The following DAB1 variants were observed in gnomAD, a reference collection of about 807,000 sequenced individuals.
DAB1 encodes DAB adaptor protein 1.
Under a neutral mutation model 64.6 loss-of-function variants are expected in DAB1, and 15 were observed. The observed-to-expected ratio is 0.23, with a 90% CI of 0.16 to 0.36. The LOEUF (loss-of-function observed/expected upper bound fraction) is 0.36. Among genes scored for constraint, DAB1 ranks in the 10% least tolerant of loss-of-function variants. DAB1 has a pLI of 1.00. For synonymous variants in DAB1, 235 were observed against 251.9 expected, an observed-to-expected ratio of 0.93 and a Z score of 0.64; for missense variants, 596 against 706.7, an observed-to-expected ratio of 0.84 and a Z score of 1.78.
intron 4 of DAB1, among the ~76,000 whole-genome samples, chr1:58,251,511 C>T (rs1660796083): frequency 6.6e-6 from 1 of 152,124 alleles, no homozygotes; most frequent in Admixed American, 6.5e-5. Context: ...CACATGACCA[C>T]TAATCTGAGA....
At chr1:57,257,435 T>G (rs1012222086) in intron 2 of DAB1, among the ~76,000 whole-genome samples, 1 of 152,216 alleles carries the variant, frequency 6.6e-6, no homozygotes, top group Non-Finnish European at 1.5e-5. Flanking sequence ...ATAAAGTGCA[T>G]GCATTATCTC....
intron 5 of DAB1, among the ~76,000 whole-genome samples, chr1:57,914,150 G>A (rs908374791): frequency 6.6e-6 from 1 of 152,142 alleles, no homozygotes; most frequent in Non-Finnish European, 1.5e-5. Flanking sequence ...GCACACGTAT[G>A]TTTATTGCGG....
chr1:57,559,849 G>A (rs929366717), intron 7 of DAB1, among the ~76,000 whole-genome samples: 7 of 152,136 alleles, frequency 4.6e-5, no homozygotes, highest in Non-Finnish European at 7.4e-5. Context: ...AAATAATATC[G>A]CATCCTTGGA....
intron 3 of DAB1, among the ~76,000 whole-genome samples, chr1:58,403,043 C>T (rs755372768): frequency 3.9e-5 from 6 of 152,156 alleles, no homozygotes; most frequent in Non-Finnish European, 7.3e-5. Context: ...CAGTCGATCT[C>T]CTTAACAAAA....
chr1:57,328,573 T>A (rs1248725533), intron 1 of DAB1, among the ~76,000 whole-genome samples: 1 of 152,222 alleles, frequency 6.6e-6, no homozygotes, highest in Non-Finnish European at 1.5e-5. Context: ...ATTGCCTTGG[T>A]CACATTTACT....
intron 5 of DAB1, among the ~76,000 whole-genome samples, chr1:58,103,015 G>T (rs895515068): frequency 2.6e-5 from 4 of 152,124 alleles, no homozygotes; most frequent in Non-Finnish European, 5.9e-5. Context: ...ATCTTATGGG[G>T]TGTCCACCAT....
intron 4 of DAB1, among the ~76,000 whole-genome samples, chr1:58,248,264 G>A (rs911593123): frequency 1.3e-5 from 2 of 152,048 alleles, no homozygotes; most frequent in African/African-American, 4.8e-5. Context: ...CCTTTCCACT[G>A]GGAGCGAGGT....
chr1:57,190,159 C>T (rs1663995851), intron 2 of DAB1, among the ~76,000 whole-genome samples: 1 of 152,128 alleles, frequency 6.6e-6, no homozygotes, highest in African/African-American at 2.4e-5. Context: ...GTTCTTTATT[C>T]AGTAGGTATG....
chr1:57,353,727 C>T (rs370763755), intron 1 of DAB1, among the ~76,000 whole-genome samples: 2 of 152,120 alleles, frequency 1.3e-5, no homozygotes, highest in African/African-American at 2.4e-5. Flanking sequence ...GACTTCTCCA[C>T]GTTGCTTTTG....
chr1:58,346,024 A>T (rs1360192787), intron 3 of DAB1, among the ~76,000 whole-genome samples: 1 of 152,234 alleles, frequency 6.6e-6, no homozygotes, highest in Non-Finnish European at 1.5e-5. Context: ...ACTGCAGTTC[A>T]GTGATGAGAA....
intron 6 of DAB1, among the ~76,000 whole-genome samples, chr1:57,719,210 G>A (rs1261485121): frequency 6.6e-6 from 1 of 152,168 alleles, no homozygotes; most frequent in Non-Finnish European, 1.5e-5. Flanking sequence ...TACATTGTTG[G>A]CTGATGAAAT....
intron 4 of DAB1, among the ~76,000 whole-genome samples, chr1:58,178,111 C>T (rs1557683696): frequency 6.6e-6 from 1 of 152,152 alleles, no homozygotes; most frequent in Non-Finnish European, 1.5e-5. Context: ...ATTTTCAAAA[C>T]TGTTATTTCC....
At chr1:57,198,151 AG>A (rs1402609013) in intron 2 of DAB1, among the ~76,000 whole-genome samples, 3 of 152,198 alleles carry the variant, frequency 2.0e-5, no homozygotes, top group African/African-American at 7.2e-5. Context: ...AAAAATGAGA[AG>A]GGTTATAAGC....
At chr1:58,185,313 T>G (rs1657015063) in intron 4 of DAB1, among the ~76,000 whole-genome samples, 1 of 152,194 alleles carries the variant, frequency 6.6e-6, no homozygotes, top group Non-Finnish European at 1.5e-5. Flanking sequence ...AGTTTTTAGC[T>G]GTGTGCTGAG....
chr1:57,910,483 T>C (rs947617829), intron 5 of DAB1, among the ~76,000 whole-genome samples: 5 of 152,220 alleles, frequency 3.3e-5, no homozygotes, highest in African/African-American at 9.6e-5. Context: ...TTTTCTATTT[T>C]TTTTTCCACT....
intron 1 of DAB1, among the ~76,000 whole-genome samples, chr1:57,410,901 G>A (rs1311786971): frequency 6.6e-6 from 1 of 152,188 alleles, no homozygotes; most frequent in African/African-American, 2.4e-5. Flanking sequence ...GTGAGAGAAG[G>A]GGAAAGGAGT....
intron 2 of DAB1, among the ~76,000 whole-genome samples, chr1:57,265,581 A>T (rs1413660504): frequency 6.6e-6 from 1 of 152,224 alleles, no homozygotes; most frequent in Non-Finnish European, 1.5e-5. Flanking sequence ...CACTAAAAGC[A>T]GCTCAAACGG....
chr1:57,296,110 T>C (rs1319334374), intron 1 of DAB1, among the ~76,000 whole-genome samples: 1 of 152,094 alleles, frequency 6.6e-6, no homozygotes, highest in Admixed American at 6.6e-5. Flanking sequence ...CTGAAACTAT[T>C]TTCGATGTTC....
In DAB1 at chr1:58,498,252, A is replaced by C. The variant is rs191260320; in HGVS notation, n.257+7808T>G. Among the ~76,000 whole-genome samples, 826 of 152,158 alleles carry C rather than the reference A, an allele frequency of 5.4e-3. 6 individuals are homozygous for C. The highest frequency in any genetic ancestry group is 0.019 in the African/African-American group (792 of 41,548). The stretch of plus-strand genomic sequence containing the variant: ...GTAAAACTAAAAGTTAAAAAAAAAA[A>C]ACAACTTTTTCCATTGTCTTCCATT... On this transcript the variant is annotated intron_variant and non_coding_transcript_variant, in intron 3 of 20. Coordinates refer to the DAB1 transcript ENST00000485760.
Sources: gnomAD v4.1 joint callset for allele counts (sites outside exome capture counted in the v4.1 genomes callset) on GRCh38, gnomAD v4.1.1 for gene constraint, MANE v1.5 for transcripts, NCBI Gene and HGNC (gene_info 2026-07-23, HGNC 2026-07-21) for gene names.